Variants in PKP4 observed in about 807,000 individuals in gnomAD.
PKP4 encodes plakophilin 4, also known as plakophilin-4.
In PKP4, 90 loss-of-function variants were observed where a neutral mutation model predicts 145.1. That is an observed-to-expected ratio of 0.62 (90% CI 0.52 to 0.74). The LOEUF is 0.74. Ranked by LOEUF, PKP4 falls within the 30% of genes least tolerant of loss-of-function variation. The pLI is 0.00. For missense variants in PKP4, 1,340 were observed against 1,482.7 expected, an observed-to-expected ratio of 0.90 and a Z score of 1.58; for synonymous variants, 563 against 577.2, an observed-to-expected ratio of 0.98 and a Z score of 0.35.
intron 3 of PKP4, among the ~76,000 whole-genome samples, chr2:158,598,637 C>T (rs112889123): frequency 0.034 from 5,110 of 152,098 alleles, 196 homozygotes; most frequent in African/African-American, 0.092. Flanking sequence ...GGCATGGTAG[C>T]GGGCACCTGT....
chr2:158,642,230 G>A (rs1171725723), intron 10 of PKP4, among the ~76,000 whole-genome samples: 1 of 152,120 alleles, frequency 6.6e-6, no homozygotes, highest in Non-Finnish European at 1.5e-5. Flanking sequence ...CATCATGTTG[G>A]CCAGGCTGGT....
intron 1 of PKP4, among the ~76,000 whole-genome samples, chr2:158,482,154 A>G (rs1693455457): frequency 6.6e-6 from 1 of 152,238 alleles, no homozygotes; most frequent in Non-Finnish European, 1.5e-5. Flanking sequence ...GCCACATTTC[A>G]AGTGTTCAGT....
intron 1 of PKP4, among the ~76,000 whole-genome samples, chr2:158,475,718 T>A (rs1337591836): frequency 3.3e-5 from 5 of 152,172 alleles, no homozygotes; most frequent in African/African-American, 9.7e-5. Context: ...CTGGCAGAAG[T>A]GCCCAGTGGA....
intron 8 of PKP4, among the ~76,000 whole-genome samples, chr2:158,632,153 A>G (rs1316550585): frequency 2.0e-5 from 3 of 152,218 alleles, no homozygotes; most frequent in African/African-American, 7.2e-5. Flanking sequence ...ATTCTAATCA[A>G]TGAACATAGT....
intron 17 of PKP4, among the ~76,000 whole-genome samples, chr2:158,670,533 C>T (rs560874539): frequency 2.0e-5 from 3 of 152,256 alleles, no homozygotes; most frequent in Middle Eastern, 3.4e-3. Context: ...GTCCCTAAAG[C>T]CACAACTGGT....
At chr2:158,664,832 A>G (rs2056931338) in intron 15 of PKP4, among the ~76,000 whole-genome samples, 1 of 152,230 alleles carries the variant, frequency 6.6e-6, no homozygotes. Flanking sequence ...TGCCTTATAA[A>G]GTGGTTATGA....
chr2:158,481,494 T>C (rs1194164407), intron 1 of PKP4, among the ~76,000 whole-genome samples: 35 of 152,216 alleles, frequency 2.3e-4, no homozygotes. Context: ...TGCACAGTTT[T>C]TACTTTCCCA....
intron 3 of PKP4, among the ~76,000 whole-genome samples, chr2:158,591,341 A>T (rs12694964): frequency 0.37 from 55,485 of 151,808 alleles, 11,630 homozygotes; most frequent in East Asian, 0.63. Flanking sequence ...TGGTTATGTT[A>T]TTTTTTAAAG....
chr2:158,489,077 C>G (rs896126167), intron 1 of PKP4, among the ~76,000 whole-genome samples: 4 of 152,154 alleles, frequency 2.6e-5, no homozygotes, highest in Non-Finnish European at 5.9e-5. Flanking sequence ...AATTCACATT[C>G]TCTACATCCA....
Position 158,658,279 on chromosome 2 carries a change from T to C in PKP4, c.2058T>C (p.Thr686=). ...ATGATCATAAAATTAAATTTCAGAC[T>C]TCACTAGTTCTGCGTAACACGACAG... ...FDDDHKIKFQ[T]SLVLRNTTGC... The change falls in exon 12 of 22, where the codon ACT becomes ACC. Residue 686 remains threonine (T), a synonymous_variant. Coordinates refer to ENST00000389759, the MANE Select transcript of PKP4 (RefSeq NM_003628.6). The C allele has an allele frequency of 6.2e-7, 1 of 1,606,628 alleles. No individual in the cohort carries two copies. Among genetic ancestry groups the C allele is most frequent in the Non-Finnish European group, 8.5e-7 (1 of 1,175,172 alleles).
At chr2:158,546,709 G>A (rs1018540218) in intron 2 of PKP4, among the ~76,000 whole-genome samples, 1 of 152,146 alleles carries the variant, frequency 6.6e-6, no homozygotes, top group African/African-American at 2.4e-5. Context: ...GTGGGCACAG[G>A]TTAAGGATAA....
At chr2:158,511,162 G>T (rs930440798) in intron 1 of PKP4, among the ~76,000 whole-genome samples, 1 of 152,136 alleles carries the variant, frequency 6.6e-6, no homozygotes, top group African/African-American at 2.4e-5. Context: ...CAAGGCGAGC[G>T]GATCACCTGA....
At chr2:158,649,427 T>C (rs2055138696) in intron 11 of PKP4, among the ~76,000 whole-genome samples, 1 of 152,164 alleles carries the variant, frequency 6.6e-6, no homozygotes, top group Non-Finnish European at 1.5e-5. Context: ...CACAATAAAC[T>C]ACTCTCTGAA....
intron 2 of PKP4, among the ~76,000 whole-genome samples, chr2:158,554,283 T>C (rs1364342849): frequency 6.6e-6 from 1 of 152,140 alleles, no homozygotes; most frequent in Non-Finnish European, 1.5e-5. Context: ...CTTCAGTATC[T>C]ACCTAGACAG....
chr2:158,540,638 T>C (rs1005472929), intron 2 of PKP4, among the ~76,000 whole-genome samples: 13 of 152,160 alleles, frequency 8.5e-5, no homozygotes, highest in Non-Finnish European at 1.5e-4. Flanking sequence ...GAGACAAGAA[T>C]GTGTGTACTT....
intron 1 of PKP4, among the ~76,000 whole-genome samples, chr2:158,531,985 C>G (rs1013135105): frequency 1.3e-5 from 2 of 152,206 alleles, no homozygotes; most frequent in African/African-American, 4.8e-5. Context: ...ACCCTCTCCA[C>G]TAACATTTAA....
chr2:158,573,330 C>G (rs529311847), intron 2 of PKP4, among the ~76,000 whole-genome samples: 6 of 152,182 alleles, frequency 3.9e-5, no homozygotes, highest in Admixed American at 3.9e-4. Context: ...TTATGGCTCT[C>G]TAAATAGGTA....
At chr2:158,674,453 A>T (rs1255520331) in intron 19 of PKP4, among the ~76,000 whole-genome samples, 2 of 152,188 alleles carry the variant, frequency 1.3e-5, no homozygotes, top group Non-Finnish European at 2.9e-5. Context: ...AGGGTCCTTT[A>T]CCAGAGGACC....
rs1380015023 is a variant in PKP4 at position 158,528,420 on chromosome 2, A to G, written c.-5-4760A>G. On this transcript the variant is annotated intron_variant, in intron 1 of 21. Transcript: ENST00000389759. ...CCAAACACCACATATTCTCAGTCATAGGTGGGAATTGAACAATGAGATCAC... is the reference window on the plus strand; with the variant it reads ...CCAAACACCACATATTCTCAGTCATGGGTGGGAATTGAACAATGAGATCAC... Among the ~76,000 whole-genome samples the G allele has an allele frequency of 4.0e-5, 4 of 99,010 alleles. 1 individual carries two copies. In the East Asian group the frequency reaches 1.2e-3, roughly 29 times the overall value. 65.0% of individuals were successfully genotyped at this position (99,010 alleles called of 152,430 possible).
Sources: allele counts gnomAD v4.1 joint callset (sites outside exome capture counted in the v4.1 genomes callset), GRCh38; gene constraint gnomAD v4.1.1; transcripts MANE v1.5; gene names NCBI Gene and HGNC (gene_info 2026-07-23, HGNC 2026-07-21).